DGKQ: variants seen among roughly 807,000 people sequenced by gnomAD.
The protein encoded by DGKQ is DAG kinase theta.
In DGKQ, 97 loss-of-function variants were observed where a neutral mutation model predicts 104.2. The observed-to-expected ratio is 0.93, with a 90% CI of 0.79 to 1.10. The LOEUF (loss-of-function observed/expected upper bound fraction) is 1.10, where lower values mean the gene tolerates loss of function less well. Among genes scored for constraint, DGKQ ranks in the 50% least tolerant of loss-of-function variants. The pLI is 0.00. For synonymous variants in DGKQ, 736 were observed against 595.2 expected, an observed-to-expected ratio of 1.24 and a Z score of -3.44; for missense variants, 1,465 against 1,352.1, an observed-to-expected ratio of 1.08 and a Z score of -1.31.
intron 12 of DGKQ, 74 bp from the exon 13 acceptor site, chr4:966,152 C>G (rs574690122): frequency 7.0e-7 from 1 of 1,436,076 alleles, no homozygotes; most frequent in Non-Finnish European, 9.5e-7. Context: ...TCTCCTCACC[C>G]GCAAAACAGC....
rs756803683 is a variant in DGKQ at position 965,891 on chromosome 4, C to T, written c.1579+37G>A. The T allele has an allele frequency of 8.4e-6, 13 of 1,554,832 alleles. No individual in the cohort carries two copies. The African/African-American group carries it at 1.1e-4, about 13-fold the overall frequency. ...CACTGCCTGCCGCTCGACCCTGCCCCGTGCCAGCAGCCCACGGCCAGCCAC... is the reference window on the plus strand; with the variant it reads ...CACTGCCTGCCGCTCGACCCTGCCCTGTGCCAGCAGCCCACGGCCAGCCAC... On this transcript the variant is annotated intron_variant, in intron 13 of 22. Coordinates refer to ENST00000273814, the MANE Select transcript of DGKQ (RefSeq NM_001347.4).
At position 960,490 on chromosome 4, in the gene DGKQ, G is replaced by T; in HGVS notation, c.*130C>A. 1 of 790,602 alleles carries T rather than the reference G, an allele frequency of 1.3e-6. No individual in the cohort carries two copies. Among genetic ancestry groups the T allele is most frequent in the Non-Finnish European group, 2.1e-6 (1 of 477,772 alleles). 49.0% of individuals were successfully genotyped at this position (790,602 alleles called of 1,614,324 possible). On this transcript the variant is annotated 3_prime_UTR_variant, in exon 23 of 23. Transcript: ENST00000273814. ...CGCTCCGTCACTGGGAAGATGCTGT[G>T]GTCAGGGCTGTAGCCAGGTCCGACC...
intron 22 of DGKQ, 53 bp from the exon 23 acceptor site, chr4:960,774 G>T (rs1711828654): frequency 6.3e-7 from 1 of 1,594,502 alleles, no homozygotes; most frequent in African/African-American, 1.3e-5. Flanking sequence ...ATGAAAGAAC[G>T]GTACACGGGC....
At chr4:966,717 C>A in intron 11 of DGKQ, 31 bp downstream of exon 11, 1 of 1,593,804 alleles carries the variant, frequency 6.3e-7, no homozygotes, top group Non-Finnish European at 8.5e-7. Context: ...GGTGCAGGGA[C>A]CGCCACGCCC....
At position 965,303 on chromosome 4, in the gene DGKQ, G is replaced by T; in HGVS notation, c.1619-12C>A. The stretch of plus-strand genomic sequence containing the variant: ...CAACACTACCGCGCCTGCGGCAGGA[G>T]CCCAGGACTCAGGGGGAGCCTGTCC... On this transcript the variant is annotated splice_polypyrimidine_tract_variant and intron_variant, in intron 14 of 22. Coordinates refer to ENST00000273814, the MANE Select transcript of DGKQ (RefSeq NM_001347.4). 2 of 1,610,598 alleles carry T rather than the reference G, an allele frequency of 1.2e-6. No homozygotes were observed. Among genetic ancestry groups the T allele is most frequent in the East Asian group, 2.2e-5 (1 of 44,846 alleles).
intron 10 of DGKQ, 39 bp downstream of exon 10, chr4:966,922 ACCG>A (rs1712404731): frequency 1.3e-6 from 2 of 1,548,356 alleles, no homozygotes; most frequent in Non-Finnish European, 1.7e-6. Context: ...GCGACCCCCC[ACCG>A]AGTCTGGCCG....
chr4:962,359 GGACGCCCGTTGT>G, intron 18 of DGKQ, 64 bp downstream of exon 18: 1 of 1,404,286 alleles, frequency 7.1e-7, no homozygotes, highest in Non-Finnish European at 9.6e-7. Context: ...GCTGGGAAGA[GGACGCCCGTTGT>G]GACGCGTGTA....
At position 961,827 on chromosome 4, in the gene DGKQ, T is replaced by A; in HGVS notation, c.2323A>T (p.Asn775Tyr). 6.3e-7 allele frequency: 1 copy of A among 1,599,670 alleles called. No homozygotes were observed. ...CCCACCCGCACGTACACACCCTTGT[T>A]GTGCAGCCTGCAGGACGGGGCAGGT... ...EPGKFTSRLH[N>Y]KGVYVRVGLQ... The change falls in exon 20 of 23, where the codon AAC (asparagine) becomes TAC (tyrosine). Residue 775 changes from asparagine to tyrosine, a missense_variant. By Grantham distance (143) the Asn-to-Tyr change is moderately radical. Coordinates refer to ENST00000273814, the MANE Select transcript of DGKQ (RefSeq NM_001347.4).
intron 22 of DGKQ, 151 bp from the exon 23 acceptor site, chr4:960,872 C>G (rs1379512608): frequency 1.4e-6 from 2 of 1,474,884 alleles, no homozygotes; most frequent in Non-Finnish European, 1.8e-6. Flanking sequence ...GCTCCCTGTG[C>G]CACCTGTGGC....
At position 965,188 on chromosome 4, in the gene DGKQ, G is replaced by A. The variant is rs1289158545; in HGVS notation, c.1722C>T (p.Leu574=). Residue 574 remains leucine, a synonymous_variant, in exon 15 of 23, where the codon CTC becomes CTT. Transcript: ENST00000273814. ...VRGRLLTALV[L]PDLLHAKLPP... is the part of the protein sequence containing the mutation. ...ACCGCACACTCACCAGCAGGTCGGG[G>A]AGCACCAGGGCAGTGAGCAGCCGGC... 1 of 1,612,512 alleles carries A rather than the reference G, an allele frequency of 6.2e-7. No individual in the cohort carries two copies. The highest frequency in any genetic ancestry group is 8.5e-7 in the Non-Finnish European group (1 of 1,179,810).
In DGKQ at chr4:961,213, G is replaced by A; in HGVS notation, c.2575-12C>T. The A allele has an allele frequency of 6.5e-7, 1 of 1,535,672 alleles. No individual in the cohort carries two copies. The highest frequency in any genetic ancestry group is 8.8e-7 in the Non-Finnish European group (1 of 1,142,748). ...CCCTGGACCTGGCCCTGGGGCGGGA[G>A]AGGCCAGCCGGGCTCAGCGGGGATC... On this transcript the variant is annotated splice_polypyrimidine_tract_variant and intron_variant, in intron 21 of 22. Transcript: ENST00000273814.
chr4:966,875 G>A (rs1560515945), intron 10 of DGKQ, 73 bp from the exon 11 acceptor site: 34 of 1,559,516 alleles, frequency 2.2e-5, no homozygotes, highest in Middle Eastern at 1.7e-4. Flanking sequence ...GGACAGCCAC[G>A]CCTGGGCTGG....
rs1712697891 is a variant in DGKQ, at chr4:968,879, C to G, written c.383G>C (p.Gly128Ala). The G allele has an allele frequency of 6.2e-7, 1 of 1,602,694 alleles. No homozygotes were observed. The highest frequency in any genetic ancestry group is 1.3e-5 in the African/African-American group (1 of 74,814). The change falls in exon 3 of 23, where the codon GGG (glycine) becomes GCG (alanine). Residue 128 changes from glycine (G) to alanine (A), a missense_variant. By Grantham distance (60) the Gly-to-Ala change is moderately conservative. Coordinates refer to ENST00000273814, the MANE Select transcript of DGKQ (RefSeq NM_001347.4). ...AGCACAGAACTTGCGCTTGTGGAGC[C>G]CCCGGGGGCCGAAGCAGTGGGCTAC... ...VPVAHCFGPRGLHKRKFCAVC... is the reference protein window; with the variant it reads ...VPVAHCFGPRALHKRKFCAVC...
rs1257793036 is a variant in DGKQ at position 973,468 on chromosome 4, G to C, written c.15C>G (p.Ala5=). 1.0e-6 allele frequency: 1 copy of C among 985,904 alleles called. No homozygotes were observed. Among genetic ancestry groups the C allele is most frequent in the African/African-American group, 1.8e-5 (1 of 56,868 alleles). The allele number at this position is 985,904 out of a possible 1,614,324, so 61.1% of individuals were successfully genotyped here. The change falls in exon 1 of 23, where the codon GCC becomes GCG. Residue 5 remains alanine, a synonymous_variant. Transcript: ENST00000273814. MAAA[A]EPGARAWLGG... ...CCAGCCAGGCGCGGGCCCCGGGCTC[G>C]GCCGCCGCCGCCATTCCCGGCCCGA...
intron 2 of DGKQ, among the ~76,000 whole-genome samples, chr4:970,018 G>A (rs547201695): frequency 2.6e-5 from 4 of 152,368 alleles, no homozygotes; most frequent in African/African-American, 7.2e-5. Flanking sequence ...TTTAAAAAGC[G>A]GCAGCCTCGG....
intron 10 of DGKQ, 24 bp downstream of exon 10, chr4:966,939 TG>T: frequency 6.4e-7 from 1 of 1,552,580 alleles, no homozygotes. Flanking sequence ...CTGGCCGGCA[TG>T]GGGAGCAGGC....
intron 13 of DGKQ, 144 bp from the exon 14 acceptor site, chr4:965,673 G>T: frequency 1.0e-6 from 1 of 979,414 alleles, no homozygotes; most frequent in Non-Finnish European, 1.5e-6. Context: ...CACTCCAGGA[G>T]CAGGACTCCC....
At position 965,934 on chromosome 4, in the gene DGKQ, T is replaced by C. The variant is rs1308484989; in HGVS notation, c.1573A>G (p.Thr525Ala). ...YSSLLHEAGA[T>A]KATVVSVSHI... ...CCAGCCACAGTGGTCACACCTTTGG[T>C]AGCCCCGGCCTCATGCAGCAGGCTG... The change falls in exon 13 of 23, where the codon ACC becomes GCC. Residue 525 changes from threonine (T) to alanine (A), a missense_variant. Physicochemically the swap from Thr to Ala is moderately conservative, Grantham distance 58. Transcript: ENST00000273814. The C allele has an allele frequency of 1.2e-6, 2 of 1,600,046 alleles. No individual in the cohort carries two copies. Among genetic ancestry groups the C allele is most frequent in the South Asian group, 2.2e-5 (2 of 89,154 alleles).
rs1354871710 is a variant in DGKQ at position 965,106 on chromosome 4, C to A, written c.1734+70G>T. ...CGAGTCTGGCTGTGGGGCCTGTGCA[C>A]CTGCAGACCCCGACCTCCCTCTGGC... is the stretch of plus-strand genomic sequence containing the variant. On this transcript the variant is annotated intron_variant, in intron 15 of 22. Coordinates refer to ENST00000273814, the MANE Select transcript of DGKQ (RefSeq NM_001347.4). The A allele has an allele frequency of 3.9e-6, 5 of 1,272,018 alleles. No individual in the cohort carries two copies. In the African/African-American group the frequency reaches 7.3e-5, roughly 19 times the overall value. The allele number at this position is 1,272,018 out of a possible 1,614,324, so 78.8% of individuals were successfully genotyped here.
Sources: gnomAD v4.1 joint callset for allele counts (sites outside exome capture counted in the v4.1 genomes callset) on GRCh38, gnomAD v4.1.1 for gene constraint, MANE v1.5 for transcripts, NCBI Gene and HGNC (gene_info 2026-07-23, HGNC 2026-07-21) for gene names.